The following CRACR2A variants were observed in gnomAD, a reference collection of about 807,000 sequenced individuals.
CRACR2A encodes the protein EF-hand calcium-binding domain-containing protein 4B.
Under a neutral mutation model 90.5 loss-of-function variants are expected in CRACR2A, and 79 were observed. That is an observed-to-expected ratio of 0.87 (90% CI 0.73 to 1.05). The LOEUF is 1.05. CRACR2A is among the 50% of genes least tolerant of loss of function. CRACR2A has a pLI of 0.00. For missense variants in CRACR2A, 823 were observed against 897.2 expected (o/e 0.92, Z 1.06); for synonymous variants, 338 against 356.7 (o/e 0.95, Z 0.59).
chr12:3,654,159 AGTGGGGAGTGGT>A, intron 10 of CRACR2A, 41 bp downstream of exon 10: 1 of 1,583,826 alleles, frequency 6.3e-7, no homozygotes, highest in Non-Finnish European at 8.6e-7. Flanking sequence ...ACATGCCCAT[AGTGGGGAGTGGT>A]GCGGGAAGAC....
chr12:3,694,186 G>A (rs138165914), intron 4 of CRACR2A, among the ~76,000 whole-genome samples: 8 of 152,330 alleles, frequency 5.3e-5, no homozygotes, highest in African/African-American at 1.9e-4. Context: ...CAGTCATCTT[G>A]TTCCTTTGGT....
intron 4 of CRACR2A, among the ~76,000 whole-genome samples, chr12:3,681,906 G>A (rs1188465140): frequency 1.3e-5 from 2 of 152,178 alleles, no homozygotes; most frequent in Non-Finnish European, 2.9e-5. Context: ...TAGAAGAATT[G>A]AATTAAATAT....
At position 3,616,520 on chromosome 12, in the gene CRACR2A, C is replaced by T. The variant is rs142733371; in HGVS notation, c.2111+434G>A. On this transcript the variant is annotated intron_variant, in intron 19 of 19. Coordinates refer to ENST00000440314, the MANE Select transcript of CRACR2A (RefSeq NM_001144958.2). The stretch of plus-strand genomic sequence containing the variant: ...CAGCCCCTCTTCTTTCTGGTTTCTA[C>T]ACCCACTCCTTCCTCCCACACCCAG... Among the ~76,000 whole-genome samples, 527 of 152,330 alleles carry T rather than the reference C, an allele frequency of 3.5e-3. 1 individual carries two copies. The highest frequency in any genetic ancestry group is 0.012 in the African/African-American group (482 of 41,570).
intron 11 of CRACR2A, among the ~76,000 whole-genome samples, chr12:3,646,013 C>T (rs1224182976): frequency 6.6e-6 from 1 of 151,992 alleles, no homozygotes; most frequent in African/African-American, 2.4e-5. Context: ...GCCTCTGTGA[C>T]GAGTATGGGG....
At chr12:3,666,784 C>A (rs1200925667) in intron 7 of CRACR2A, among the ~76,000 whole-genome samples, 1 of 152,234 alleles carries the variant, frequency 6.6e-6, no homozygotes, top group Non-Finnish European at 1.5e-5. Context: ...CCTTTGTCCT[C>A]CCTTTTAAAT....
chr12:3,621,056 G>T (rs1944120669), intron 17 of CRACR2A, among the ~76,000 whole-genome samples: 1 of 152,244 alleles, frequency 6.6e-6, no homozygotes, highest in African/African-American at 2.4e-5. Flanking sequence ...AGGAAGCAGG[G>T]AAATGGGCCA....
rs1296276016 is a variant in CRACR2A at position 3,641,827 on chromosome 12, T to C, written c.1176A>G (p.Ala392=). 5 of 1,551,548 alleles carry C rather than the reference T, an allele frequency of 3.2e-6. No individual in the cohort carries two copies. Among genetic ancestry groups the C allele is most frequent in the Middle Eastern group, 1.7e-4 (1 of 6,014 alleles). ...TGGAAGCAGCTGTGTTTGCCTTGGC[T>C]GCCTTATTTTTCTGTAGAAACACAA... The part of the protein sequence containing the change: ...ERDICFQKNK[A]AKANTAASRA... The change falls in exon 13 of 20, where the codon GCA becomes GCG. Residue 392 remains alanine (A), a synonymous_variant. Coordinates refer to ENST00000440314, the MANE Select transcript of CRACR2A (RefSeq NM_001144958.2).
chr12:3,649,098 G>A (rs1022805264), intron 10 of CRACR2A, among the ~76,000 whole-genome samples: 2 of 151,962 alleles, frequency 1.3e-5, no homozygotes, highest in Non-Finnish European at 2.9e-5. Context: ...GGGAAGGGGG[G>A]AGGGATAGCA....
intron 3 of CRACR2A, among the ~76,000 whole-genome samples, chr12:3,701,987 G>A (rs1297320046): frequency 6.6e-6 from 1 of 152,150 alleles, no homozygotes; most frequent in Non-Finnish European, 1.5e-5. Flanking sequence ...GGGTTTATCT[G>A]AGAAATGCAA....
chr12:3,711,056 G>A lies in CRACR2A; in HGVS notation c.-37+2181C>T, dbSNP rs77576865. 0.058 allele frequency among the ~76,000 whole-genome samples: 8,846 copies of A among 152,094 alleles called. 825 individuals carry two copies. Among genetic ancestry groups the A allele is most frequent in the African/African-American group, 0.19 (8,025 of 41,416 alleles). ...CCAACAGCCTCAAAAGTCTCAACTC[G>A]TTCTAGCATAAACTCAAAGGCAGAA... On this transcript the variant is annotated intron_variant, in intron 3 of 19. Coordinates refer to ENST00000440314, the MANE Select transcript of CRACR2A (RefSeq NM_001144958.2). The surrounding 1 kb of genome is among the most constrained non-coding windows in gnomAD (Gnocchi z 4.3).
At chr12:3,678,192 C>A (rs1945371807) in intron 6 of CRACR2A, among the ~76,000 whole-genome samples, 1 of 152,204 alleles carries the variant, frequency 6.6e-6, no homozygotes, top group Admixed American at 6.5e-5. Context: ...TGTAACACCA[C>A]ATTTTCCTTA....
chr12:3,633,461 A>G lies in CRACR2A; in HGVS notation c.1735+143T>C. ...CTTGCCCCTCCCAGCCTGTCTGTTG[A>G]ACAGAGCAGACACCAGTATCCCTAC... On this transcript the variant is annotated intron_variant, in intron 15 of 19. Coordinates refer to ENST00000440314, the MANE Select transcript of CRACR2A (RefSeq NM_001144958.2). This position sits in a 1 kb window ranked among gnomAD's most constrained non-coding sequence, Gnocchi z 4.5. The G allele has an allele frequency of 8.8e-7, 1 of 1,140,840 alleles. No homozygotes were observed. The highest frequency in any genetic ancestry group is 1.2e-6 in the Non-Finnish European group (1 of 816,542). 70.7% of individuals were successfully genotyped at this position (1,140,840 alleles called of 1,614,324 possible). A position where few individuals can be genotyped will look rare whatever the true frequency, so the allele number is the denominator to read the frequency against.
chr12:3,638,381 T>C lies in CRACR2A; in HGVS notation c.1345A>G (p.Thr449Ala). The change falls in exon 14 of 20, where the codon ACA becomes GCA. Residue 449 changes from threonine (T) to alanine (A), a missense_variant. Coordinates refer to ENST00000440314, the MANE Select transcript of CRACR2A (RefSeq NM_001144958.2). ...TCCCCGGTTCCTGGCTCCTCTTCTG[T>C]TAGGGGATATCCACTCAGGCCCAGG... ...SSLGLSGYPL[T>A]EEEPGTGEPG... is the part of the protein sequence containing the mutation. 6.4e-7 allele frequency: 1 copy of C among 1,551,422 alleles called. No individual in the cohort carries two copies. Among genetic ancestry groups the C allele is most frequent in the Non-Finnish European group, 8.7e-7 (1 of 1,146,904 alleles).
Position 3,680,318 on chromosome 12 carries a change from T to C in CRACR2A, c.260A>G (p.Glu87Gly). Residue 87 changes from glutamate (E) to glycine (G), a missense_variant, in exon 5 of 20, where the codon GAG becomes GGG. Physicochemically the swap from Glu to Gly is moderately conservative, Grantham distance 98. Transcript: ENST00000440314. ...RLHKELPLSLEELEDVFDALD... is the reference protein window; with the variant it reads ...RLHKELPLSLGELEDVFDALD... Reference sequence around the variant, plus strand: ...GGCATCAAACACATCCTCCAGTTCCTCCAGGCTGAGCGGTAGCTCCTTATG... The same window carrying C: ...GGCATCAAACACATCCTCCAGTTCCCCCAGGCTGAGCGGTAGCTCCTTATG... 6.2e-7 allele frequency: 1 copy of C among 1,614,168 alleles called. No homozygotes were observed. Among genetic ancestry groups the C allele is most frequent in the African/African-American group, 1.3e-5 (1 of 75,070 alleles).
At chr12:3,643,806 TA>T (rs1238737025) in intron 12 of CRACR2A, among the ~76,000 whole-genome samples, 2 of 84,752 alleles carry the variant, frequency 2.4e-5, no homozygotes, top group Non-Finnish European at 4.3e-5. Flanking sequence ...TAATATATAT[TA>T]TATATATATT....
intron 11 of CRACR2A, 164 bp downstream of exon 11, chr12:3,648,378 T>TAA (rs142731912): frequency 6.6e-7 from 1 of 1,524,008 alleles, no homozygotes. Context: ...ATAGAGTGGC[T>TAA]ACTTGGTGGT....
intron 3 of CRACR2A, among the ~76,000 whole-genome samples, chr12:3,710,528 C>T (rs867802526): frequency 6.6e-6 from 1 of 152,064 alleles, no homozygotes; most frequent in African/African-American, 2.4e-5. Context: ...GGCGCAGTGG[C>T]TCAAGCCTAT....
rs557783495 is a variant in CRACR2A at position 3,686,940 on chromosome 12, T to C, written c.229-6591A>G. The stretch of plus-strand genomic sequence containing the variant: ...GCTCCTAGCTTGAGTGTAGCACACA[T>C]TGGGCTCATCCTGGGTTTCTCCAGG... On this transcript the variant is annotated intron_variant, in intron 4 of 19. Transcript: ENST00000440314. Among the ~76,000 whole-genome samples the C allele has an allele frequency of 8.5e-5, 13 of 152,218 alleles. No individual in the cohort carries two copies. The East Asian group carries it at 2.5e-3, about 29-fold the overall frequency.
At chr12:3,683,594 G>C (rs1489515547) in intron 4 of CRACR2A, among the ~76,000 whole-genome samples, 1 of 152,180 alleles carries the variant, frequency 6.6e-6, no homozygotes, top group African/African-American at 2.4e-5. Context: ...GGTTAGGTCA[G>C]GTTATACAAG....
Sources: allele counts gnomAD v4.1 joint callset (sites outside exome capture counted in the v4.1 genomes callset), GRCh38; gene constraint gnomAD v4.1.1; non-coding constraint Gnocchi (gnomAD v3.1); transcripts MANE v1.5; gene names NCBI Gene and HGNC (gene_info 2026-07-23, HGNC 2026-07-21).